Variants in LSR observed in about 807,000 individuals in gnomAD.
LSR encodes the protein lipolysis-stimulated lipoprotein receptor.
Under a neutral mutation model 61.8 loss-of-function variants are expected in LSR, and 44 were observed. The ratio of observed to expected loss-of-function variants is 0.71; its 90% CI spans 0.56 to 0.91. The LOEUF (loss-of-function observed/expected upper bound fraction) is 0.91, where lower values mean the gene tolerates loss of function less well. LSR is among the 40% of genes least tolerant of loss of function. The pLI is 0.00. For synonymous variants in LSR, 397 were observed against 350.6 expected, an observed-to-expected ratio of 1.13 and a Z score of -1.48; for missense variants, 911 against 830.5, an observed-to-expected ratio of 1.10 and a Z score of -1.19.
Position 35,250,338 on chromosome 19 carries a change from A to G in LSR, c.133A>G (p.Thr45Ala), listed in dbSNP as rs1478944259. The G allele has an allele frequency of 1.3e-6, 2 of 1,558,538 alleles. No individual in the cohort carries two copies. The highest frequency in any genetic ancestry group is 1.4e-5 in the African/African-American group (1 of 73,996). ...CTAPARAIQV[T>A]VSNPYHVVIL... ...AGCTCCTGCCAGGGCCATCCAGGTG[A>G]CCGTGTCCAACCCCTACCACGTGGT... The change falls in exon 2 of 10, where the codon ACC (threonine) becomes GCC (alanine). Residue 45 changes from threonine to alanine, a missense_variant. Physicochemically the swap from Thr to Ala is moderately conservative, Grantham distance 58 (BLOSUM62 0). Coordinates refer to ENST00000605618, the MANE Select transcript of LSR (RefSeq NM_205834.4).
intron 1 of LSR, 137 bp downstream of exon 1, chr19:35,249,268 G>C (rs1305492855): frequency 1.8e-6 from 2 of 1,090,600 alleles, no homozygotes; most frequent in Non-Finnish European, 2.5e-6. Flanking sequence ...GGTCTTGGGC[G>C]ATCTGTTGCG....
At chr19:35,264,926 G>A (rs1298105398) in intron 5 of LSR, 1 of 149,892 alleles carries the variant, frequency 6.7e-6, no homozygotes, top group South Asian at 2.2e-4. Context: ...ACCAGTCAGA[G>A]CCCTGGTGCA....
Position 35,261,958 on chromosome 19 carries a change from GT to G in LSR, c.612del (p.Gln205ArgfsTer5). The stretch of plus-strand genomic sequence containing the variant: ...TCAGGGGTGGCTGAGCTCTTACCTG[GT>G]TTTCAGGCGGGGCCCATAGAAGGTA... ...RTSGVAELLP[G>X]FQAGPIEDWL... On this transcript the variant is annotated frameshift_variant, in exon 4 of 10. Coordinates refer to ENST00000605618, the MANE Select transcript of LSR (RefSeq NM_205834.4). LOFTEE classifies it high-confidence loss of function. The G allele has an allele frequency of 1.3e-6, 2 of 1,501,564 alleles. No homozygotes were observed. The highest frequency in any genetic ancestry group is 1.4e-5 in the South Asian group (1 of 72,110). 93.0% of individuals were successfully genotyped at this position (1,501,564 alleles called of 1,614,324 possible).
intron 5 of LSR, among the ~76,000 whole-genome samples, chr19:35,263,807 C>G (rs1281562333): frequency 6.6e-6 from 1 of 151,052 alleles, no homozygotes; most frequent in Non-Finnish European, 1.5e-5. Context: ...TAAACTTAAG[C>G]AAATTTTTTT....
At chr19:35,251,483 G>T (rs1265445707) in intron 2 of LSR, 1 of 152,236 alleles carries the variant, frequency 6.6e-6, no homozygotes, top group African/African-American at 2.4e-5. Flanking sequence ...TTCTATCATT[G>T]TCATCTTACA....
intron 2 of LSR, among the ~76,000 whole-genome samples, chr19:35,252,696 G>C (rs908760675): frequency 3.0e-4 from 45 of 147,822 alleles, no homozygotes; most frequent in Non-Finnish European, 1.8e-4. Flanking sequence ...AAGAATGTCA[G>C]AGAGTACTAA....
At position 35,266,475 on chromosome 19, in the gene LSR, C is replaced by T; in HGVS notation, c.895C>T (p.Pro299Ser). Residue 299 changes from proline to serine, a missense_variant, in exon 6 of 10, where the codon CCT (proline) becomes TCT (serine). Transcript: ENST00000605618. ...PPPPAMIPMG[P>S]AYNGYPGGYP... is the part of the protein sequence containing the mutation. ...CCCACCAGCTATGATTCCCATGGGC[C>T]CTGCCTACAACGGGTACCCTGGAGG... 1 of 1,613,028 alleles carries T rather than the reference C, an allele frequency of 6.2e-7. No individual in the cohort carries two copies. Among genetic ancestry groups the T allele is most frequent in the Non-Finnish European group, 8.5e-7 (1 of 1,179,414 alleles).
At chr19:35,249,241 G>A in intron 1 of LSR, 110 bp downstream of exon 1, 6 of 1,343,496 alleles carry the variant, frequency 4.5e-6, no homozygotes, top group Non-Finnish European at 6.0e-6. Flanking sequence ...CAGAGGCTGG[G>A]ACCTTCCGAT....
intron 5 of LSR, chr19:35,264,134 T>C (rs949105815): frequency 6.6e-6 from 1 of 152,160 alleles, no homozygotes; most frequent in South Asian, 2.1e-4. Flanking sequence ...AAGCAAATGT[T>C]TGAAAACACA....
intron 1 of LSR, 100 bp downstream of exon 1, chr19:35,249,231 C>A: frequency 2.8e-6 from 4 of 1,417,564 alleles, no homozygotes; most frequent in Non-Finnish European, 3.7e-6. Context: ...GCGGGGGTCT[C>A]AGAGGCTGGG....
chr19:35,250,853 TGGTGCG>T (rs2065785103), intron 2 of LSR, among the ~76,000 whole-genome samples, 194 bp downstream of exon 2: 2 of 149,570 alleles, frequency 1.3e-5, no homozygotes, highest in African/African-American at 4.9e-5. Flanking sequence ...TGGAGTGCAG[TGGTGCG>T]ATCTCAGCTC....
chr19:35,266,838 G>T lies in LSR; in HGVS notation c.1015G>T (p.Val339Phe). Reference protein sequence around the residue: ...RDTDSSVASEVRSGYRIQASQ... With the variant: ...RDTDSSVASEFRSGYRIQASQ... The stretch of plus-strand genomic sequence containing the variant: ...GACCACCACCCCCCTGTCCCTAGAA[G>T]TCCGCAGTGGCTACAGGATTCAGGC... Residue 339 changes from valine to phenylalanine, a missense_variant and splice_region_variant, in exon 8 of 10, where the codon GTC (valine) becomes TTC (phenylalanine). Physicochemically the swap from Val to Phe is conservative, Grantham distance 50 (BLOSUM62 -1). Transcript: ENST00000605618. 1 of 1,608,108 alleles carries T rather than the reference G, an allele frequency of 6.2e-7. No homozygotes were observed. The highest frequency in any genetic ancestry group is 1.3e-5 in the African/African-American group (1 of 74,930).
In LSR at chr19:35,267,717, G is replaced by C. The variant is rs139004765; in HGVS notation, c.1753G>C (p.Glu585Gln). The change falls in exon 9 of 10, where the codon GAG becomes CAG. Residue 585 changes from glutamate (E) to glutamine (Q), a missense_variant. By Grantham distance (29) the Glu-to-Gln change is conservative. Transcript: ENST00000605618. ...YSETDSQASR[E>Q]RRLKKNLALS... ...GGAGACCGACTCGCAGGCGTCCCGA[G>C]AGCGCAGGCTCAAGAAGGTGAGGGC... 5.0e-6 allele frequency: 8 copies of C among 1,603,964 alleles called. No homozygotes were observed. The highest frequency in any genetic ancestry group is 6.0e-6 in the Non-Finnish European group (7 of 1,176,176).
At chr19:35,255,669 A>G (rs938884808) in intron 2 of LSR, among the ~76,000 whole-genome samples, 2 of 152,164 alleles carry the variant, frequency 1.3e-5, no homozygotes, top group African/African-American at 4.8e-5. Flanking sequence ...CAACCCCTTC[A>G]CATCTGCTCT....
At position 35,267,827 on chromosome 19, in the gene LSR, T is replaced by C. The variant is rs2066047686; in HGVS notation, c.1774T>C (p.Leu592=). The change falls in exon 10 of 10, where the codon TTG becomes CTG. Residue 592 remains leucine, a synonymous_variant. Transcript: ENST00000605618. ...ASRERRLKKN[L]ALSRESLVV ...CTTCTTTCTTTCTCCCTTGCAGAACTTGGCCCTGAGTCGGGAAAGTTTAGT... is the reference window on the plus strand; with the variant it reads ...CTTCTTTCTTTCTCCCTTGCAGAACCTGGCCCTGAGTCGGGAAAGTTTAGT... 2 of 1,613,734 alleles carry C rather than the reference T, an allele frequency of 1.2e-6. No homozygotes were observed. The highest frequency in any genetic ancestry group is 1.7e-6 in the Non-Finnish European group (2 of 1,179,938).
chr19:35,257,603 A>C (rs370368890), intron 2 of LSR, among the ~76,000 whole-genome samples: 50 of 152,214 alleles, frequency 3.3e-4, no homozygotes, highest in Middle Eastern at 3.4e-3. Context: ...GCTGTCATGC[A>C]GGAGGGCAGC....
chr19:35,267,400 G>A lies in LSR; in HGVS notation c.1436G>A (p.Arg479Gln), dbSNP rs749067117. The change falls in exon 9 of 10, where the codon CGG becomes CAG. Residue 479 changes from arginine to glutamine, a missense_variant. Arg to Gln is a conservative substitution (Grantham distance 43, BLOSUM62 1). Coordinates refer to ENST00000605618, the MANE Select transcript of LSR (RefSeq NM_205834.4). ...GGRSRAYMPP[R>Q]SRSRDDLYDQ... ...AGAAGCCGGGCCTACATGCCCCCGC[G>A]GAGCCGCAGCCGGGACGACCTCTAT... is the stretch of plus-strand genomic sequence containing the variant. 1.9e-6 allele frequency: 3 copies of A among 1,607,796 alleles called. No homozygotes were observed. In the African/African-American group the frequency reaches 4.0e-5, roughly 21 times the overall value.
chr19:35,259,876 G>A (rs538711353), intron 3 of LSR, among the ~76,000 whole-genome samples: 5 of 152,348 alleles, frequency 3.3e-5, no homozygotes, highest in East Asian at 1.9e-4. Flanking sequence ...GGGGCAGGGC[G>A]GGGTGTCCGT....
Position 35,250,589 on chromosome 19 carries a change from G to C in LSR, c.384G>C (p.Val128=). 1.2e-6 allele frequency: 2 copies of C among 1,611,506 alleles called. No individual in the cohort carries two copies. Among genetic ancestry groups the C allele is most frequent in the Non-Finnish European group, 1.7e-6 (2 of 1,178,190 alleles). ...ACAGCGTGCGCACCGTCAGGGTCGTGGCCACCAAGCAGGGCAACGCTGTGA... is the reference window on the plus strand; with the variant it reads ...ACAGCGTGCGCACCGTCAGGGTCGTCGCCACCAAGCAGGGCAACGCTGTGA... ...CQDSVRTVRV[V]ATKQGNAVTL... The change falls in exon 2 of 10, where the codon GTG becomes GTC. Residue 128 remains valine (V), a synonymous_variant. Transcript: ENST00000605618.
Sources: allele counts gnomAD v4.1 joint callset (sites outside exome capture counted in the v4.1 genomes callset), GRCh38; gene constraint gnomAD v4.1.1; transcripts MANE v1.5; gene names NCBI Gene and HGNC (gene_info 2026-07-23, HGNC 2026-07-21).